Variants in RGS22 observed in about 807,000 individuals in gnomAD.
RGS22 encodes the protein regulator of G protein signaling 22, also known as regulator of G-protein signaling 22.
In RGS22, 148 loss-of-function variants were observed where a neutral mutation model predicts 172.9. The ratio of observed to expected loss-of-function variants is 0.86; its 90% CI spans 0.75 to 0.98. RGS22 has a LOEUF of 0.98. RGS22 is among the 50% of genes least tolerant of loss of function. RGS22 has a pLI of 0.00. For missense variants in RGS22, 1,347 were observed against 1,440.8 expected (o/e 0.93, Z 1.05); for synonymous variants, 458 against 480.2 (o/e 0.95, Z 0.60).
At chr8:100,085,461 G>A (rs1442125241) in intron 3 of RGS22, among the ~76,000 whole-genome samples, 2 of 152,136 alleles carry the variant, frequency 1.3e-5, no homozygotes, top group Non-Finnish European at 2.9e-5. Context: ...ATGAAAGTCA[G>A]CACATAAGGT....
intron 9 of RGS22, 79 bp from the exon 10 acceptor site, chr8:100,053,055 G>T: frequency 7.8e-7 from 1 of 1,274,986 alleles, no homozygotes; most frequent in Non-Finnish European, 1.1e-6. Context: ...ATACATAATA[G>T]CTGTGCTCAC....
chr8:100,016,978 C>CTTTTTTT lies in RGS22; in HGVS notation c.2167-8416_2167-8410dup, dbSNP rs71274949. ...CCTACATCCCTGATTCCTTACCAGT[C>CTTTTTTT]TTTTTTTTTTTTTTTTTTTTTTTTT... On this transcript the variant is annotated intron_variant, in intron 14 of 27. Coordinates refer to ENST00000360863, the MANE Select transcript of RGS22 (RefSeq NM_015668.5). Among the ~76,000 whole-genome samples the CTTTTTTT allele has an allele frequency of 4.2e-4, 15 of 36,132 alleles. 6 individuals are homozygous for CTTTTTTT. Among genetic ancestry groups the CTTTTTTT allele is most frequent in the Admixed American group, 1.9e-3 (4 of 2,118 alleles). 23.7% of individuals were successfully genotyped at this position (36,132 alleles called of 152,430 possible).
At chr8:100,099,046 G>A (rs1376384036) in intron 2 of RGS22, among the ~76,000 whole-genome samples, 3 of 151,964 alleles carry the variant, frequency 2.0e-5, no homozygotes, top group Non-Finnish European at 2.9e-5. Flanking sequence ...CTCCTGAGTA[G>A]CTGGGACTAC....
intron 11 of RGS22, 152 bp downstream of exon 11, chr8:100,047,311 G>T: frequency 3.8e-6 from 2 of 519,500 alleles, no homozygotes; most frequent in Admixed American, 8.6e-5. Context: ...GAGTATTCAT[G>T]CAAAGTATAA....
intron 3 of RGS22, among the ~76,000 whole-genome samples, chr8:100,089,877 T>G (rs1466650781): frequency 2.6e-5 from 4 of 152,064 alleles, no homozygotes. Flanking sequence ...GATGGGACAA[T>G]CAAAAGTTTT....
At chr8:100,028,455 C>CAAA (rs201672610) in intron 14 of RGS22, among the ~76,000 whole-genome samples, 3 of 91,810 alleles carry the variant, frequency 3.3e-5, no homozygotes, top group African/African-American at 9.9e-5. Context: ...ACCTAGGAGA[C>CAAA]AAAAAAAAAA....
rs1563732966 is a variant in RGS22 at position 100,098,921 on chromosome 8, ATTTTAT to A, written c.55-5418_55-5413del. On this transcript the variant is annotated intron_variant, in intron 2 of 27. Coordinates refer to ENST00000360863, the MANE Select transcript of RGS22 (RefSeq NM_015668.5). ...ATTTTATTTTATTTTATTTTATTTT[ATTTTAT>A]TTATTTTTTAATGAAGTCTCGCTCT... 1.3e-3 allele frequency among the ~76,000 whole-genome samples: 144 copies of A among 113,828 alleles called. 3 individuals carry two copies. The highest frequency in any genetic ancestry group is 3.9e-3 in the African/African-American group (129 of 33,170). The allele number at this position is 113,828 out of a possible 152,430, so 74.7% of individuals were successfully genotyped here.
intron 2 of RGS22, among the ~76,000 whole-genome samples, chr8:100,097,825 T>C (rs1259705192): frequency 2.0e-5 from 3 of 152,198 alleles, no homozygotes; most frequent in East Asian, 3.8e-4. Context: ...TATTCCTTCT[T>C]ATCCACACCA....
At chr8:100,060,421 T>TATATATATATATATATATATACAC (rs1245783464) in intron 9 of RGS22, among the ~76,000 whole-genome samples, 14 of 119,500 alleles carry the variant, frequency 1.2e-4, no homozygotes, top group African/African-American at 2.6e-4. Flanking sequence ...TATATATATA[T>TATATATATATATATATATATACAC]ACACACACAC....
intron 14 of RGS22, among the ~76,000 whole-genome samples, chr8:100,011,960 C>A (rs1488959792): frequency 1.3e-5 from 2 of 151,758 alleles, no homozygotes; most frequent in Non-Finnish European, 2.9e-5. Context: ...CGAATAAAGT[C>A]AGAAGAAATA....
At chr8:100,097,358 A>G (rs1412178001) in intron 2 of RGS22, among the ~76,000 whole-genome samples, 1 of 152,236 alleles carries the variant, frequency 6.6e-6, no homozygotes, top group Non-Finnish European at 1.5e-5. Flanking sequence ...AATATTATTA[A>G]TAGTTCATGA....
chr8:100,069,428 C>G (rs1810784295), intron 6 of RGS22, among the ~76,000 whole-genome samples: 1 of 152,126 alleles, frequency 6.6e-6, no homozygotes, highest in Non-Finnish European at 1.5e-5. Flanking sequence ...CAATTAGAGG[C>G]CAAAGATCAA....
intron 4 of RGS22, 51 bp from the exon 5 acceptor site, chr8:100,072,281 A>G: frequency 8.6e-7 from 1 of 1,159,848 alleles, no homozygotes; most frequent in Non-Finnish European, 1.2e-6. Context: ...AATCACTTTT[A>G]GGATGATTAA....
At position 99,962,667 on chromosome 8, in the gene RGS22, A is replaced by G; in HGVS notation, c.3790+20T>C. On this transcript the variant is annotated intron_variant, in intron 26 of 27. Transcript: ENST00000360863. ...CAAAAAGAAAGAAACAACTGAAGAT[A>G]GACTACACTGGAAACTCACTCTGGC... 1 of 1,583,640 alleles carries G rather than the reference A, an allele frequency of 6.3e-7. No homozygotes were observed. The highest frequency in any genetic ancestry group is 8.6e-7 in the Non-Finnish European group (1 of 1,165,468).
At chr8:100,088,417 T>C (rs566670494) in intron 3 of RGS22, among the ~76,000 whole-genome samples, 1 of 152,036 alleles carries the variant, frequency 6.6e-6, no homozygotes, top group African/African-American at 2.4e-5. Flanking sequence ...TCACTAAGCA[T>C]AAAACACACA....
intron 2 of RGS22, among the ~76,000 whole-genome samples, chr8:100,096,254 CAATA>C (rs1251018810): frequency 6.6e-6 from 1 of 152,138 alleles, no homozygotes; most frequent in African/African-American, 2.4e-5. Context: ...TCCAAATAAT[CAATA>C]AACTGGTGAT....
chr8:100,103,488 A>G (rs1162494915), intron 2 of RGS22, among the ~76,000 whole-genome samples: 2 of 152,226 alleles, frequency 1.3e-5, no homozygotes, highest in Non-Finnish European at 2.9e-5. Flanking sequence ...GAGGAAAGAC[A>G]GCATAGTGTG....
chr8:100,008,722 A>G (rs149445439), intron 14 of RGS22, among the ~76,000 whole-genome samples, 153 bp from the exon 15 acceptor site: 136 of 152,316 alleles, frequency 8.9e-4, no homozygotes, highest in African/African-American at 2.8e-3. Flanking sequence ...ACTTAACACG[A>G]AGCAATGCAT....
chr8:100,005,680 A>T (rs1411471503), intron 16 of RGS22, among the ~76,000 whole-genome samples: 1 of 152,198 alleles, frequency 6.6e-6, no homozygotes. Flanking sequence ...GTAACCTGAC[A>T]ACAAATAGAA....
Sources: allele counts gnomAD v4.1 joint callset (sites outside exome capture counted in the v4.1 genomes callset), GRCh38; gene constraint gnomAD v4.1.1; transcripts MANE v1.5; gene names NCBI Gene and HGNC (gene_info 2026-07-23, HGNC 2026-07-21).